DLG2: variants seen among roughly 807,000 people sequenced by gnomAD.
DLG2 encodes discs large MAGUK scaffold protein 2.
In DLG2, 45 loss-of-function variants were observed where a neutral mutation model predicts 132.5. The ratio of observed to expected loss-of-function variants is 0.34; its 90% confidence interval spans 0.27 to 0.44. The LOEUF is 0.44. DLG2 is among the 20% of genes least tolerant of loss of function. The probability of loss-of-function intolerance (pLI) is 1.00; values close to 1 mark genes in which losing one functional copy is unlikely to be tolerated. For synonymous variants in DLG2, 424 were observed against 419.6 expected (o/e 1.01, Z -0.13); for missense variants, 1,045 against 1,196.9 (o/e 0.87, Z 1.87).
At chr11:84,241,274 T>C (rs543666797) in intron 8 of DLG2, among the ~76,000 whole-genome samples, 3 of 152,358 alleles carry the variant, frequency 2.0e-5, no homozygotes, top group South Asian at 4.1e-4. Flanking sequence ...AAAGCAATAT[T>C]TTCTTTGTGC....
intron 8 of DLG2, among the ~76,000 whole-genome samples, chr11:84,225,758 A>G (rs2096982479): frequency 6.6e-6 from 1 of 151,642 alleles, no homozygotes; most frequent in African/African-American, 2.4e-5. Flanking sequence ...ACTCCAAAAT[A>G]TATTTCTTAA....
intron 7 of DLG2, among the ~76,000 whole-genome samples, chr11:84,506,625 G>C (rs1440612100): frequency 6.6e-6 from 1 of 152,100 alleles, no homozygotes; most frequent in Non-Finnish European, 1.5e-5. Context: ...AGTCCAGTAA[G>C]GGCCATTTTG....
chr11:85,511,432 A>G (rs2094066815), intron 3 of DLG2, among the ~76,000 whole-genome samples: 1 of 152,066 alleles, frequency 6.6e-6, no homozygotes, highest in Non-Finnish European at 1.5e-5. Context: ...AAGACAATAG[A>G]TTTGAGTTAT....
chr11:85,044,148 T>C (rs2062103739), intron 6 of DLG2, among the ~76,000 whole-genome samples: 1 of 152,054 alleles, frequency 6.6e-6, no homozygotes, highest in South Asian at 2.1e-4. Flanking sequence ...TTATTTCAAG[T>C]TTCCATTAGC....
At chr11:84,894,596 G>A (rs1212807807) in intron 6 of DLG2, among the ~76,000 whole-genome samples, 3 of 152,114 alleles carry the variant, frequency 2.0e-5, no homozygotes, top group African/African-American at 7.2e-5. Flanking sequence ...GTGAAGACAA[G>A]AATTGTTTGA....
intron 6 of DLG2, among the ~76,000 whole-genome samples, chr11:85,055,493 G>A (rs2154156063): frequency 6.6e-6 from 1 of 152,288 alleles, no homozygotes; most frequent in Admixed American, 6.5e-5. Context: ...CTAGTGCTAA[G>A]CAAGAGACTG....
chr11:85,104,901 CAGAG>C (rs1200992864), intron 6 of DLG2, among the ~76,000 whole-genome samples: 3 of 58,994 alleles, frequency 5.1e-5, no homozygotes, highest in African/African-American at 1.3e-4. Context: ...AAAAAAAAAA[CAGAG>C]AGAGAAAGGA....
At chr11:85,414,892 G>A (rs926445046) in intron 3 of DLG2, among the ~76,000 whole-genome samples, 1 of 151,918 alleles carries the variant, frequency 6.6e-6, no homozygotes, top group African/African-American at 2.4e-5. Context: ...TTAAGTTCTG[G>A]GAGACATGTG....
chr11:83,904,339 T>C (rs1180832994), intron 15 of DLG2, among the ~76,000 whole-genome samples: 2 of 152,168 alleles, frequency 1.3e-5, no homozygotes, highest in Non-Finnish European at 2.9e-5. Flanking sequence ...AGGACCACTG[T>C]GCTGTATAAT....
At chr11:85,259,515 C>T (rs1434673524) in intron 4 of DLG2, among the ~76,000 whole-genome samples, 1 of 152,028 alleles carries the variant, frequency 6.6e-6, no homozygotes, top group Non-Finnish European at 1.5e-5. Flanking sequence ...CATGGACAAT[C>T]CAGCTGACCC....
rs138160544 is a variant in DLG2, at chr11:84,652,483, AAAG to A, written c.358-117755_358-117753del. 4.2e-3 allele frequency among the ~76,000 whole-genome samples: 639 copies of A among 152,264 alleles called. 1 individual carries two copies. Among genetic ancestry groups the A allele is most frequent in the African/African-American group, 0.015 (610 of 41,546 alleles). On this transcript the variant is annotated intron_variant, in intron 6 of 27. Transcript: ENST00000376104. ...ACCAAACAGGAGCAGGATCATGTTTAAAGAAGAAGGCAATGAAATCAGCTTTTG... is the reference window on the plus strand; with the variant it reads ...ACCAAACAGGAGCAGGATCATGTTTAAAGAAGGCAATGAAATCAGCTTTTG...
intron 16 of DLG2, among the ~76,000 whole-genome samples, chr11:83,846,065 T>C (rs1230249587): frequency 2.0e-5 from 3 of 152,212 alleles, no homozygotes; most frequent in Admixed American, 1.3e-4. Flanking sequence ...ATGAGTATTG[T>C]GGATGAAAGA....
At chr11:84,808,969 A>G in intron 6 of DLG2, among the ~76,000 whole-genome samples, 1 of 152,012 alleles carries the variant, frequency 6.6e-6, no homozygotes, top group East Asian at 1.9e-4. Context: ...ATATTATTAA[A>G]ATACTTCAGA....
At chr11:85,420,067 G>GA (rs1270410313) in intron 3 of DLG2, among the ~76,000 whole-genome samples, 2 of 152,180 alleles carry the variant, frequency 1.3e-5, no homozygotes, top group Non-Finnish European at 2.9e-5. Flanking sequence ...CATTTTCATG[G>GA]ATTTATCTAC....
chr11:85,026,610 G>A (rs1213066444), intron 6 of DLG2, among the ~76,000 whole-genome samples: 1 of 152,148 alleles, frequency 6.6e-6, no homozygotes, highest in Non-Finnish European at 1.5e-5. Context: ...GGCCGAGGCA[G>A]GAGGATCACA....
At chr11:84,238,622 AAT>A (rs1038674616) in intron 8 of DLG2, among the ~76,000 whole-genome samples, 10 of 151,354 alleles carry the variant, frequency 6.6e-5, no homozygotes, top group Non-Finnish European at 1.3e-4. Context: ...GGGCCCCAGA[AAT>A]ATGTTTTAGT....
chr11:84,861,077 G>C (rs2083549208), intron 6 of DLG2, among the ~76,000 whole-genome samples: 1 of 152,056 alleles, frequency 6.6e-6, no homozygotes, highest in Non-Finnish European at 1.5e-5. Flanking sequence ...TACAGTATGA[G>C]AAATACCACT....
At chr11:84,688,009 T>C (rs2099739593) in intron 6 of DLG2, among the ~76,000 whole-genome samples, 1 of 152,206 alleles carries the variant, frequency 6.6e-6, no homozygotes, top group African/African-American at 2.4e-5. Context: ...CTGAACACCA[T>C]GCCTTCAGAT....
intron 6 of DLG2, among the ~76,000 whole-genome samples, chr11:84,680,045 A>T (rs1347159329): frequency 6.6e-6 from 1 of 152,148 alleles, no homozygotes; most frequent in Non-Finnish European, 1.5e-5. Flanking sequence ...AGGTTTCCAA[A>T]TAAGCAATGT....
Sources: allele counts gnomAD v4.1 joint callset (sites outside exome capture counted in the v4.1 genomes callset), GRCh38; gene constraint gnomAD v4.1.1; transcripts MANE v1.5; gene names NCBI Gene and HGNC (gene_info 2026-07-23, HGNC 2026-07-21).